Variants in TFEB observed in about 807,000 individuals in gnomAD.
The protein encoded by TFEB is transcription factor EB, also known as T-cell transcription factor EB.
TFEB carries 12 observed loss-of-function variants against 48.0 expected under a neutral mutation model. That is an observed-to-expected ratio of 0.25 (90% CI 0.16 to 0.40). The LOEUF is 0.40. Among genes scored for constraint, TFEB ranks in the 10% least tolerant of loss-of-function variants. TFEB has a pLI of 1.00. For missense variants in TFEB, 509 were observed against 640.3 expected (o/e 0.79, Z 2.21); for synonymous variants, 244 against 261.4 (o/e 0.93, Z 0.64).
upstream of TFEB, chr6:41,736,015 A>T: frequency 8.4e-7 from 1 of 1,192,536 alleles, no homozygotes; most frequent in Non-Finnish European, 1.2e-6. Context: ...CAGGACCTGG[A>T]TCTTGCACTT....
intron 1 of TFEB, chr6:41,733,874 G>C: frequency 1.0e-6 from 1 of 985,882 alleles, no homozygotes; most frequent in Non-Finnish European, 1.2e-6. Flanking sequence ...AAGGAAACCA[G>C]AGACCAGCCT....
At position 41,723,392 on chromosome 6, in the gene TFEB, G is replaced by A; in HGVS notation, c.-23+11958C>T. ...AGATGCACACAGGCTAACACACATG[G>A]ACACACATTCACACACATGCTCACA... On this transcript the variant is annotated intron_variant, in intron 1 of 8. Coordinates refer to ENST00000373033, the MANE Select transcript of TFEB (RefSeq NM_001271944.2). The surrounding 1 kb of genome is among the most constrained non-coding windows in gnomAD (Gnocchi z 6.0). 4 of 997,200 alleles carry A rather than the reference G, an allele frequency of 4.0e-6. No homozygotes were observed. The highest frequency in any genetic ancestry group is 3.4e-4 in the Middle Eastern group (1 of 2,946). The allele number at this position is 997,200 out of a possible 1,614,324, so 61.8% of individuals were successfully genotyped here.
chr6:41,703,861 A>G (rs1770064997), intron 1 of TFEB, among the ~76,000 whole-genome samples: 1 of 152,156 alleles, frequency 6.6e-6, no homozygotes, highest in African/African-American at 2.4e-5. Context: ...CCCCTGTTTT[A>G]CAGAGGGGGC....
At chr6:41,733,525 C>G in intron 1 of TFEB, 1 of 727,144 alleles carries the variant, frequency 1.4e-6, no homozygotes, top group Non-Finnish European at 1.7e-6. Flanking sequence ...TGGAGTCACC[C>G]AAACAGCTCT....
chr6:41,695,983 G>C (rs926716349), intron 1 of TFEB, among the ~76,000 whole-genome samples: 2 of 152,324 alleles, frequency 1.3e-5, no homozygotes, highest in South Asian at 4.1e-4. Flanking sequence ...GGCCAGCCGC[G>C]GTCCCTGGGT....
Position 41,718,768 on chromosome 6 carries a change from T to G in TFEB, c.-23+16582A>C, listed in dbSNP as rs527817272. On this transcript the variant is annotated intron_variant, in intron 1 of 8. Transcript: ENST00000373033. ...CATCTTGGGAAACCCTGGAATAGAT[T>G]TGGAGCCACCAACTCAAATGCCTGC... Among the ~76,000 whole-genome samples the G allele has an allele frequency of 7.9e-5, 12 of 152,196 alleles. No individual in the cohort carries two copies. The East Asian group carries it at 2.3e-3, about 29-fold the overall frequency.
chr6:41,699,856 T>C (rs955057614), intron 1 of TFEB, among the ~76,000 whole-genome samples: 1 of 152,246 alleles, frequency 6.6e-6, no homozygotes, highest in Admixed American at 6.5e-5. Flanking sequence ...TTTTGGTCTT[T>C]TTCCCTTTTA....
At position 41,730,383 on chromosome 6, in the gene TFEB, C is replaced by A. The variant is rs994921150; in HGVS notation, c.-23+4967G>T. ...GTCTGGTGGAATCCCTGGATTAATC[C>A]CTACAGCACCGCATCTTACTCTGGG... On this transcript the variant is annotated intron_variant, in intron 1 of 8. Transcript: ENST00000373033. This position sits in a 1 kb window ranked among gnomAD's most constrained non-coding sequence, Gnocchi z 4.1. 5.3e-5 allele frequency among the ~76,000 whole-genome samples: 8 copies of A among 152,128 alleles called. No homozygotes were observed. The highest frequency in any genetic ancestry group is 1.9e-4 in the African/African-American group (8 of 41,410).
rs749480529 is a variant in TFEB at position 41,684,699 on chromosome 6, G to A, written c.1331C>T (p.Pro444Leu). 13 of 1,613,612 alleles carry A rather than the reference G, an allele frequency of 8.1e-6. No individual in the cohort carries two copies. Among genetic ancestry groups the A allele is most frequent in the African/African-American group, 2.7e-5 (2 of 74,944 alleles). ...GGACAGAAGTGGATCAGAGGCCAGC[G>A]GTAGCAGTGAGTCGTCCAGGAGCAT... The part of the protein sequence containing the change: ...DLMLLDDSLL[P>L]LASDPLLSTM... Residue 444 changes from proline (P) to leucine (L), a missense_variant, in exon 9 of 9, where the codon CCG (proline) becomes CTG (leucine). Transcript: ENST00000373033.
intron 3 of TFEB, among the ~76,000 whole-genome samples, chr6:41,690,268 T>C (rs1769228972): frequency 6.6e-6 from 1 of 152,056 alleles, no homozygotes; most frequent in Non-Finnish European, 1.5e-5. Flanking sequence ...GTAGCTGGGA[T>C]TACAGGCGTG....
At chr6:41,687,353 AG>A (rs1390839180) in intron 6 of TFEB, among the ~76,000 whole-genome samples, 184 bp from the exon 7 acceptor site, 1 of 152,202 alleles carries the variant, frequency 6.6e-6, no homozygotes, top group Non-Finnish European at 1.5e-5. Flanking sequence ...TCCAGGGCAA[AG>A]GCCAGACACA....
intron 1 of TFEB, among the ~76,000 whole-genome samples, chr6:41,719,723 GA>G (rs980362807): frequency 1.3e-5 from 2 of 152,224 alleles, no homozygotes; most frequent in African/African-American, 4.8e-5. Context: ...GGAAGGCACA[GA>G]GGAAGAAACC....
intron 1 of TFEB, among the ~76,000 whole-genome samples, chr6:41,722,235 C>T (rs1021323543): frequency 1.1e-4 from 16 of 152,254 alleles, no homozygotes; most frequent in Non-Finnish European, 1.5e-4. Flanking sequence ...CCACCTCGGC[C>T]TCCCAAAGTG....
rs377577042 is a variant in TFEB, at chr6:41,730,294, TA to T, written c.-23+5055del. On this transcript the variant is annotated intron_variant, in intron 1 of 8. Coordinates refer to ENST00000373033, the MANE Select transcript of TFEB (RefSeq NM_001271944.2). This position sits in a 1 kb window ranked among gnomAD's most constrained non-coding sequence, Gnocchi z 4.1. Reference sequence around the variant, plus strand: ...GCCCTGATGGAGGGAAAGATTTGCTTATAGGGAAGGAGTGAGGAAGGGCTAC... The same window carrying T: ...GCCCTGATGGAGGGAAAGATTTGCTTTAGGGAAGGAGTGAGGAAGGGCTAC... 6.4e-4 allele frequency among the ~76,000 whole-genome samples: 98 copies of T among 152,056 alleles called. No individual in the cohort carries two copies. Among genetic ancestry groups the T allele is most frequent in the Admixed American group, 2.5e-3 (38 of 15,266 alleles).
At chr6:41,715,951 G>A (rs1423717994) in intron 1 of TFEB, among the ~76,000 whole-genome samples, 1 of 152,050 alleles carries the variant, frequency 6.6e-6, no homozygotes, top group Non-Finnish European at 1.5e-5. Context: ...AACTTCCTCT[G>A]AGCCCCACTG....
At chr6:41,713,576 C>G (rs1770580175) in intron 1 of TFEB, among the ~76,000 whole-genome samples, 1 of 152,248 alleles carries the variant, frequency 6.6e-6, no homozygotes. Flanking sequence ...AGCCACCTAC[C>G]CCCAGGGAGA....
At chr6:41,721,491 T>A (rs1348630902) in intron 1 of TFEB, among the ~76,000 whole-genome samples, 2 of 151,862 alleles carry the variant, frequency 1.3e-5, no homozygotes, top group African/African-American at 2.4e-5. Flanking sequence ...TAAAAAAAAA[T>A]TCATGGAGAC....
At chr6:41,704,708 G>A (rs867633892) in intron 1 of TFEB, among the ~76,000 whole-genome samples, 1 of 152,234 alleles carries the variant, frequency 6.6e-6, no homozygotes, top group Non-Finnish European at 1.5e-5. Context: ...TAGTTCCCTG[G>A]TTCCAAGCAT....
chr6:41,734,961 G>A lies in TFEB; in HGVS notation c.-23+389C>T, dbSNP rs935957455. 34 of 985,332 alleles carry A rather than the reference G, an allele frequency of 3.5e-5. No homozygotes were observed. The highest frequency in any genetic ancestry group is 4.1e-5 in the Non-Finnish European group (34 of 829,992). 61.0% of individuals were successfully genotyped at this position (985,332 alleles called of 1,614,324 possible). On this transcript the variant is annotated intron_variant, in intron 1 of 8. Transcript: ENST00000373033. The surrounding 1 kb of genome is among the most constrained non-coding windows in gnomAD (Gnocchi z 4.0). The stretch of plus-strand genomic sequence containing the variant: ...TGTCCGGTGGAGGGGGAGTGGGCGC[G>A]GGGCCCGCGCGTCCCTCAAACTTCT...
Sources: allele counts gnomAD v4.1 joint callset (sites outside exome capture counted in the v4.1 genomes callset), GRCh38; gene constraint gnomAD v4.1.1; non-coding constraint Gnocchi (gnomAD v3.1); transcripts MANE v1.5; gene names NCBI Gene and HGNC (gene_info 2026-07-23, HGNC 2026-07-21).